Variants in LHPP observed in about 807,000 individuals in gnomAD.
LHPP encodes the protein phospholysine phosphohistidine inorganic pyrophosphate phosphatase.
Under a neutral mutation model 30.3 loss-of-function variants are expected in LHPP, and 24 were observed. The observed-to-expected ratio is 0.79, with a 90% CI of 0.57 to 1.11. The LOEUF (loss-of-function observed/expected upper bound fraction) is 1.11, where lower values mean the gene tolerates loss of function less well. LHPP is among the 50% of genes most tolerant of loss of function. LHPP has a pLI of 0.00. For synonymous variants in LHPP, 150 were observed against 157.1 expected, an observed-to-expected ratio of 0.95 and a Z score of 0.34; for missense variants, 356 against 367.2, an observed-to-expected ratio of 0.97 and a Z score of 0.25.
intron 3 of LHPP, among the ~76,000 whole-genome samples, chr10:124,488,853 C>T (rs947715382): frequency 6.6e-6 from 1 of 152,012 alleles, no homozygotes; most frequent in Non-Finnish European, 1.5e-5. Flanking sequence ...AGAGGGAGAC[C>T]CTCTGGAGAT....
intron 6 of LHPP, among the ~76,000 whole-genome samples, chr10:124,584,468 T>C (rs1289981326): frequency 6.6e-6 from 1 of 152,128 alleles, no homozygotes; most frequent in Non-Finnish European, 1.5e-5. Context: ...TGGTGAGTGC[T>C]ACTCTGTGCT....
intron 6 of LHPP, among the ~76,000 whole-genome samples, chr10:124,601,439 G>A (rs1949019105): frequency 6.6e-6 from 1 of 152,180 alleles, no homozygotes; most frequent in Non-Finnish European, 1.5e-5. Flanking sequence ...ACAGGCGGGT[G>A]AGCACTTGCC....
chr10:124,530,542 A>G (rs1564812995), intron 6 of LHPP, among the ~76,000 whole-genome samples: 19 of 151,456 alleles, frequency 1.3e-4, no homozygotes, highest in African/African-American at 3.4e-4. Context: ...ACACACACAC[A>G]CACACACATA....
At chr10:124,572,070 A>T (rs7083646) in intron 6 of LHPP, among the ~76,000 whole-genome samples, 1 of 151,978 alleles carries the variant, frequency 6.6e-6, no homozygotes, top group Admixed American at 6.5e-5. Flanking sequence ...CTGGAGGGGT[A>T]GGGGAAGCAT....
chr10:124,571,978 C>T (rs548924009), intron 6 of LHPP, among the ~76,000 whole-genome samples: 17 of 152,094 alleles, frequency 1.1e-4, no homozygotes, highest in South Asian at 4.1e-4. Context: ...GAGATTAATG[C>T]GAGTTCTGGG....
intron 6 of LHPP, 54 bp from the exon 7 acceptor site, chr10:124,613,210 G>C: frequency 7.6e-7 from 1 of 1,322,286 alleles, no homozygotes; most frequent in Non-Finnish European, 1.1e-6. Context: ...GGTGGGTGTG[G>C]CTGCAGAGGG....
chr10:124,483,780 TAAAG>T (rs1444923983), intron 1 of LHPP, among the ~76,000 whole-genome samples: 1 of 137,452 alleles, frequency 7.3e-6, no homozygotes, highest in Non-Finnish European at 1.5e-5. Flanking sequence ...ATAAAAAAAA[TAAAG>T]AAGTGGCACA....
intron 1 of LHPP, among the ~76,000 whole-genome samples, chr10:124,472,562 T>G (rs1032301479): frequency 8.4e-5 from 12 of 142,724 alleles, no homozygotes; most frequent in Admixed American, 2.7e-4. Context: ...TAAACTTACT[T>G]TTTTTTTTTT....
chr10:124,572,196 AG>A (rs1296328180), intron 6 of LHPP, among the ~76,000 whole-genome samples: 1 of 152,198 alleles, frequency 6.6e-6, no homozygotes. Context: ...AGGTTTCAAA[AG>A]GTCCCTCTGG....
In LHPP at chr10:124,470,648, TAACAAC is replaced by T. The variant is rs10682827; in HGVS notation, c.125+8691_125+8696del. ...AGGTCCCTGGGAGTAGCAGCAATAG[TAACAAC>T]AACAACAACAACAACAACAACAACA... On this transcript the variant is annotated intron_variant, in intron 1 of 6. Coordinates refer to ENST00000368842, the MANE Select transcript of LHPP (RefSeq NM_022126.4). 1.5e-3 allele frequency among the ~76,000 whole-genome samples: 216 copies of T among 145,026 alleles called. 3 individuals are homozygous for T. The highest frequency in any genetic ancestry group is 8.2e-3 in the South Asian group (37 of 4,506).
chr10:124,593,229 T>TGA lies in LHPP; in HGVS notation c.717-20031_717-20030dup, dbSNP rs1948902922. On this transcript the variant is annotated intron_variant, in intron 6 of 6. Transcript: ENST00000368842. The surrounding 1 kb of genome is among the most constrained non-coding windows in gnomAD (Gnocchi z 4.9). Reference sequence around the variant, plus strand: ...GAAGAGAGCGTCCTGGGAAGCCAGCTGAGAGCACCTCTTTCTCTTTGGGTC... The same window carrying TGA: ...GAAGAGAGCGTCCTGGGAAGCCAGCTGAGAGAGCACCTCTTTCTCTTTGGGTC... Among the ~76,000 whole-genome samples the TGA allele has an allele frequency of 1.3e-5, 2 of 152,168 alleles. No homozygotes were observed. The highest frequency in any genetic ancestry group is 2.1e-4 in the South Asian group (1 of 4,832).
intron 1 of LHPP, among the ~76,000 whole-genome samples, chr10:124,473,097 G>T (rs186256964): frequency 7.2e-4 from 110 of 152,280 alleles, no homozygotes; most frequent in African/African-American, 2.6e-3. Context: ...GCCAGGGTGG[G>T]TCTGGCACAG....
At chr10:124,475,363 A>C (rs1952912236) in intron 1 of LHPP, among the ~76,000 whole-genome samples, 1 of 151,766 alleles carries the variant, frequency 6.6e-6, no homozygotes, top group Admixed American at 6.5e-5. Flanking sequence ...AACATGGTGA[A>C]ACCCCATCTC....
At chr10:124,587,332 G>T (rs1417709108) in intron 6 of LHPP, among the ~76,000 whole-genome samples, 1 of 151,750 alleles carries the variant, frequency 6.6e-6, no homozygotes, top group Non-Finnish European at 1.5e-5. Context: ...ACCGCGCCCG[G>T]CCTCCACTTT....
intron 1 of LHPP, among the ~76,000 whole-genome samples, chr10:124,476,264 A>G (rs1459931855): frequency 6.6e-6 from 1 of 152,058 alleles, no homozygotes; most frequent in African/African-American, 2.4e-5. Context: ...TTGGACTCTG[A>G]TGACTCAAGG....
chr10:124,589,855 C>T (rs1477983206), intron 6 of LHPP, among the ~76,000 whole-genome samples: 2 of 152,172 alleles, frequency 1.3e-5, no homozygotes, highest in African/African-American at 4.8e-5. Flanking sequence ...CCTCCAGCCC[C>T]GCTCGGCTCT....
chr10:124,522,797 GGGGCTGGGCTGGGAGCCTGCGCCCTCC>G (rs1954642275), intron 6 of LHPP, among the ~76,000 whole-genome samples: 2 of 151,852 alleles, frequency 1.3e-5, no homozygotes, highest in Non-Finnish European at 2.9e-5. Flanking sequence ...CTTGGAGGAT[GGGGCTGGGCTGGGAGCCTGCGCCCTCC>G]CATTCTGACA....
intron 5 of LHPP, among the ~76,000 whole-genome samples, chr10:124,508,281 G>A (rs1377582764): frequency 6.6e-6 from 1 of 152,178 alleles, no homozygotes; most frequent in Non-Finnish European, 1.5e-5. Flanking sequence ...TCTTTGGATT[G>A]TCAGTGTGGG....
chr10:124,585,195 A>G (rs1197446198), intron 6 of LHPP, among the ~76,000 whole-genome samples: 2 of 152,232 alleles, frequency 1.3e-5, no homozygotes, highest in Non-Finnish European at 2.9e-5. Context: ...AATACAAACA[A>G]TATAAGCTAA....
Sources: allele counts gnomAD v4.1 joint callset (sites outside exome capture counted in the v4.1 genomes callset), GRCh38; gene constraint gnomAD v4.1.1; non-coding constraint Gnocchi (gnomAD v3.1); transcripts MANE v1.5; gene names NCBI Gene and HGNC (gene_info 2026-07-23, HGNC 2026-07-21).